PGM3: variants seen among roughly 807,000 people sequenced by gnomAD.
PGM3 encodes phosphoacetylglucosamine mutase.
In PGM3, 40 loss-of-function variants were observed where a neutral mutation model predicts 66.2. That is an observed-to-expected ratio of 0.60 (90% CI 0.47 to 0.79). The LOEUF is 0.79. Ranked by LOEUF, PGM3 falls within the 30% of genes least tolerant of loss-of-function variation. PGM3 has a pLI of 0.00. For missense variants in PGM3, 537 were observed against 643.4 expected (o/e 0.83, Z 1.79); for synonymous variants, 191 against 224.2 (o/e 0.85, Z 1.32).
At position 83,167,036 on chromosome 6, in the gene PGM3, TTGTG is replaced by T. The variant is rs992189957; in HGVS notation, c.*2194_*2197del. 1 of 985,348 alleles carries T rather than the reference TTGTG, an allele frequency of 1.0e-6. No homozygotes were observed. The highest frequency in any genetic ancestry group is 1.7e-5 in the African/African-American group (1 of 57,236). The allele number at this position is 985,348 out of a possible 1,614,324, so 61.0% of individuals were successfully genotyped here. On this transcript the variant is annotated 3_prime_UTR_variant, in exon 13 of 13. Coordinates refer to ENST00000513973, the MANE Select transcript of PGM3 (RefSeq NM_015599.3). ...GACAGAATGATGTCTGTAGCTGTGT[TTGTG>T]TAATTCAGGTGGCTTCTCAAACTAG...
Position 83,164,876 on chromosome 6 carries a change from G to T in PGM3, c.*4358C>A. 3.3e-6 allele frequency: 2 copies of T among 597,336 alleles called. No homozygotes were observed. Among genetic ancestry groups the T allele is most frequent in the Middle Eastern group, 2.6e-4 (1 of 3,786 alleles). 37.0% of individuals were successfully genotyped at this position (597,336 alleles called of 1,614,324 possible). A position where few individuals can be genotyped will look rare whatever the true frequency, so the allele number is the denominator to read the frequency against. ...GGTGAAGTCAAAGGAGAAATCATTTGTATGGAAACATTTGACTTTATTTAA... is the reference window on the plus strand; with the variant it reads ...GGTGAAGTCAAAGGAGAAATCATTTTTATGGAAACATTTGACTTTATTTAA... On this transcript the variant is annotated 3_prime_UTR_variant, in exon 13 of 13. Coordinates refer to ENST00000513973, the MANE Select transcript of PGM3 (RefSeq NM_015599.3).
chr6:83,153,330 A>G, the PGM3 span: 1 of 435,942 alleles, frequency 2.3e-6, no homozygotes, highest in Non-Finnish European at 4.0e-6. Context: ...TCCTATAGTA[A>G]CAATGTACAA....
downstream of PGM3, among the ~76,000 whole-genome samples, chr6:83,163,097 A>C (rs1784615855): frequency 2.0e-5 from 3 of 152,210 alleles, no homozygotes; most frequent in Admixed American, 2.0e-4. Flanking sequence ...ATTAGAAAAC[A>C]TATCGTATGT....
downstream of PGM3, among the ~76,000 whole-genome samples, chr6:83,161,542 C>T (rs1784239993): frequency 6.6e-6 from 1 of 151,972 alleles, no homozygotes; most frequent in Non-Finnish European, 1.5e-5. Flanking sequence ...ATAAAAATAA[C>T]CTGGTAGAAA....
chr6:83,154,324 T>C, the PGM3 span: 12 of 1,274,576 alleles, frequency 9.4e-6, 1 homozygote, highest in Admixed American at 2.1e-4. Flanking sequence ...TTCTGGAGAC[T>C]AGGAGACTAC....
chr6:83,177,377 G>A (rs557164654), intron 8 of PGM3, among the ~76,000 whole-genome samples: 2 of 152,106 alleles, frequency 1.3e-5, no homozygotes, highest in South Asian at 2.1e-4. Context: ...GGTGCCAAGG[G>A]TGGTCACCTG....
chr6:83,157,564 G>A (rs1483733266), downstream of PGM3, among the ~76,000 whole-genome samples: 3 of 152,188 alleles, frequency 2.0e-5, no homozygotes. Context: ...TCTTGGATCT[G>A]GTTTAGTGTT....
In PGM3 at chr6:83,167,547, G is replaced by T; in HGVS notation, c.*1687C>A. On this transcript the variant is annotated 3_prime_UTR_variant, in exon 13 of 13. Coordinates refer to ENST00000513973, the MANE Select transcript of PGM3 (RefSeq NM_015599.3). ...GGGTTCAGAAACCTGGGAGCTTTTT[G>T]AGTAAATACAAAGCACAACATAAAA... 1 of 1,042,522 alleles carries T rather than the reference G, an allele frequency of 9.6e-7. No individual in the cohort carries two copies. The highest frequency in any genetic ancestry group is 1.2e-6 in the Non-Finnish European group (1 of 868,214). 64.6% of individuals were successfully genotyped at this position (1,042,522 alleles called of 1,614,324 possible). A position where few individuals can be genotyped will look rare whatever the true frequency, so the allele number is the denominator to read the frequency against.
chr6:83,159,566 C>T (rs1002203792), downstream of PGM3, among the ~76,000 whole-genome samples: 9 of 152,180 alleles, frequency 5.9e-5, no homozygotes, highest in Non-Finnish European at 1.0e-4. Context: ...GCTGGGATTA[C>T]AGGCAGAAGC....
chr6:83,181,888 C>A lies in PGM3; in HGVS notation c.635G>T (p.Cys212Phe). ...GDEYRSLKVD[C>F]ANGIGALKLR... The stretch of plus-strand genomic sequence containing the variant: ...CTTCAGGGCCCCTATGCCATTTGCA[C>A]AGTCAACCTTAAGTGATCTGTATTC... Residue 212 changes from cysteine (C) to phenylalanine (F), a missense_variant, in exon 6 of 13, where the codon TGT (cysteine) becomes TTT (phenylalanine). By Grantham distance (205) the Cys-to-Phe change is radical. Transcript: ENST00000513973. 6.2e-7 allele frequency: 1 copy of A among 1,613,786 alleles called. No individual in the cohort carries two copies. Among genetic ancestry groups the A allele is most frequent in the South Asian group, 1.1e-5 (1 of 91,030 alleles).
the PGM3 span, chr6:83,152,234 A>C: frequency 9.5e-7 from 1 of 1,055,538 alleles, no homozygotes; most frequent in Non-Finnish European, 1.4e-6. Context: ...ACACACACAT[A>C]AAATTTATTT....
intron 3 of PGM3, among the ~76,000 whole-genome samples, chr6:83,187,837 A>G (rs972007968): frequency 1.3e-5 from 2 of 152,198 alleles, no homozygotes; most frequent in Non-Finnish European, 1.5e-5. Context: ...ACTGCCTTGT[A>G]GGAAAAAACG....
downstream of PGM3, among the ~76,000 whole-genome samples, chr6:83,160,552 G>A (rs117404686): frequency 0.018 from 2,729 of 152,298 alleles, 50 homozygotes; most frequent in Admixed American, 0.059. Flanking sequence ...GCTTATTTTG[G>A]CTATGTAGTG....
At chr6:83,191,134 CTA>C in intron 1 of PGM3, 120 bp from the exon 2 acceptor site, 1 of 1,472,456 alleles carries the variant, frequency 6.8e-7, no homozygotes, top group Non-Finnish European at 9.2e-7. Context: ...TCAAAGAACC[CTA>C]TGTTTGACAG....
chr6:83,159,659 A>G, downstream of PGM3: 2 of 939,920 alleles, frequency 2.1e-6, no homozygotes, highest in African/African-American at 3.3e-5. Context: ...ACATTTCATC[A>G]TGACCTTGCT....
At position 83,171,977 on chromosome 6, in the gene PGM3, G is replaced by GC; in HGVS notation, c.1324dup (p.Ala442GlyfsTer12). On this transcript the variant is annotated frameshift_variant, in exon 11 of 13. Coordinates refer to ENST00000513973, the MANE Select transcript of PGM3 (RefSeq NM_015599.3). LOFTEE classifies it high-confidence loss of function. The stretch of plus-strand genomic sequence containing the variant: ...TCTGTTTGGAAGATCTGTATAGAGA[G>GC]CATCCCACTGTTGTACAGTCAAGCC... The GC allele has an allele frequency of 6.2e-7, 1 of 1,612,736 alleles. No homozygotes were observed. The highest frequency in any genetic ancestry group is 8.5e-7 in the Non-Finnish European group (1 of 1,178,728).
At chr6:83,179,478 AGAT>A (rs1487574138) in intron 7 of PGM3, among the ~76,000 whole-genome samples, 2 of 152,310 alleles carry the variant, frequency 1.3e-5, no homozygotes, top group East Asian at 3.9e-4. Flanking sequence ...TTAATATATC[AGAT>A]GATGAGATTT....
At chr6:83,176,288 T>C (rs958557905) in intron 8 of PGM3, among the ~76,000 whole-genome samples, 1 of 152,178 alleles carries the variant, frequency 6.6e-6, no homozygotes, top group African/African-American at 2.4e-5. Flanking sequence ...GAGGGTCTCC[T>C]TATAAGACAC....
At chr6:83,154,194 T>C in the PGM3 span, 5 of 1,613,860 alleles carry the variant, frequency 3.1e-6, no homozygotes, top group Non-Finnish European at 4.2e-6. Context: ...AGAGCAATTA[T>C]GGACAATCTG....
Sources: gnomAD v4.1 joint callset for allele counts (sites outside exome capture counted in the v4.1 genomes callset) on GRCh38, gnomAD v4.1.1 for gene constraint, MANE v1.5 for transcripts, NCBI Gene and HGNC (gene_info 2026-07-23, HGNC 2026-07-21) for gene names.